Variants in C1orf21 observed in about 807,000 individuals in gnomAD.
C1orf21 encodes the protein chromosome 1 open reading frame 21.
A neutral mutation model predicts 18.7 loss-of-function variants in C1orf21; 3 were observed. That is an observed-to-expected ratio of 0.16 (90% confidence interval 0.07 to 0.42). The LOEUF (loss-of-function observed/expected upper bound fraction) is 0.42, where lower values mean the gene tolerates loss of function less well. C1orf21 is among the 10% of genes least tolerant of loss of function. C1orf21 has a pLI of 0.99. For missense variants in C1orf21, 104 were observed against 143.6 expected (o/e 0.72, Z 1.41); for synonymous variants, 41 against 46.4 (o/e 0.88, Z 0.47).
intron 1 of C1orf21, among the ~76,000 whole-genome samples, chr1:184,474,257 A>G (rs1431365068): frequency 2.0e-5 from 3 of 152,200 alleles, no homozygotes; most frequent in Non-Finnish European, 1.5e-5. Flanking sequence ...ATTTGGTGAG[A>G]ACTCATATTG....
In C1orf21 at chr1:184,605,063, T is replaced by C. The variant is rs144074778; in HGVS notation, c.327+6602T>C. On this transcript the variant is annotated intron_variant, in intron 5 of 5. Transcript: ENST00000235307. ...ATCAGTGAATGGTATCATTTTGCCATGGATGCAAGTATTTGGACAAGGAAA... is the reference window on the plus strand; with the variant it reads ...ATCAGTGAATGGTATCATTTTGCCACGGATGCAAGTATTTGGACAAGGAAA... 6.0e-4 allele frequency among the ~76,000 whole-genome samples: 91 copies of C among 152,350 alleles called. 1 individual carries two copies. Among genetic ancestry groups the C allele is most frequent in the African/African-American group, 2.1e-3 (86 of 41,584 alleles).
At chr1:184,400,767 A>T (rs1207981632) in intron 1 of C1orf21, among the ~76,000 whole-genome samples, 1 of 152,176 alleles carries the variant, frequency 6.6e-6, no homozygotes. Context: ...AATTAACTAG[A>T]TGGACAGTGG....
chr1:184,508,514 A>G lies in C1orf21; in HGVS notation c.189+832A>G, dbSNP rs964305714. Among the ~76,000 whole-genome samples, 7 of 152,230 alleles carry G rather than the reference A, an allele frequency of 4.6e-5. 1 individual carries two copies. The South Asian group carries it at 8.3e-4, about 18-fold the overall frequency. On this transcript the variant is annotated intron_variant, in intron 3 of 5. Transcript: ENST00000235307. ...TCACTTGACTTAAACTCGTTTTTTT[A>G]TAATGTGCTTTGTTTTTGTTTTAAT...
intron 2 of C1orf21, among the ~76,000 whole-genome samples, chr1:184,496,660 G>A (rs890853358): frequency 6.6e-6 from 1 of 152,210 alleles, no homozygotes; most frequent in Non-Finnish European, 1.5e-5. Context: ...AACACAAGCA[G>A]CATCTCAGAA....
At chr1:184,471,451 CT>C (rs967625652) in intron 1 of C1orf21, among the ~76,000 whole-genome samples, 1 of 151,904 alleles carries the variant, frequency 6.6e-6, no homozygotes, top group Admixed American at 6.6e-5. Flanking sequence ...TAAGACATGG[CT>C]TTTTTTTAAG....
At chr1:184,465,612 T>C (rs1326143340) in intron 1 of C1orf21, among the ~76,000 whole-genome samples, 1 of 152,116 alleles carries the variant, frequency 6.6e-6, no homozygotes, top group African/African-American at 2.4e-5. Context: ...TGGGATATCA[T>C]CCCAGATTCA....
intron 1 of C1orf21, among the ~76,000 whole-genome samples, chr1:184,467,702 C>T (rs1009897431): frequency 3.3e-5 from 5 of 152,196 alleles, no homozygotes; most frequent in African/African-American, 9.7e-5. Context: ...CCCTGCCCCT[C>T]TCATCTTAGA....
chr1:184,425,008 T>G (rs962010768), intron 1 of C1orf21, among the ~76,000 whole-genome samples: 5 of 152,176 alleles, frequency 3.3e-5, no homozygotes, highest in African/African-American at 1.2e-4. Context: ...AAAACTTAGG[T>G]GGAGGTCTTT....
intron 2 of C1orf21, among the ~76,000 whole-genome samples, chr1:184,488,048 G>T (rs1227670478): frequency 6.6e-6 from 1 of 152,136 alleles, no homozygotes; most frequent in Non-Finnish European, 1.5e-5. Context: ...AGGAGAATGC[G>T]TCATCAGTTT....
At chr1:184,551,234 T>C (rs1027279166) in intron 3 of C1orf21, among the ~76,000 whole-genome samples, 1 of 152,098 alleles carries the variant, frequency 6.6e-6, no homozygotes, top group African/African-American at 2.4e-5. Context: ...ATGTGTGTAT[T>C]TTTTTTAAAT....
intron 2 of C1orf21, among the ~76,000 whole-genome samples, chr1:184,506,374 T>G (rs1295356408): frequency 6.6e-6 from 1 of 152,172 alleles, no homozygotes; most frequent in Non-Finnish European, 1.5e-5. Context: ...AGGGGTGATA[T>G]GATGAGGAAA....
At chr1:184,415,165 T>G (rs957949274) in intron 1 of C1orf21, among the ~76,000 whole-genome samples, 56 of 152,290 alleles carry the variant, frequency 3.7e-4, no homozygotes, top group African/African-American at 1.3e-3. Context: ...TGTGGGGTGT[T>G]GCATTGGAGA....
At chr1:184,533,124 C>G (rs536904451) in intron 3 of C1orf21, among the ~76,000 whole-genome samples, 2 of 152,080 alleles carry the variant, frequency 1.3e-5, no homozygotes, top group African/African-American at 4.8e-5. Flanking sequence ...TGACCTCTCA[C>G]TCCTCTCTGG....
chr1:184,528,142 A>T lies in C1orf21; in HGVS notation c.189+20460A>T, dbSNP rs1339460769. 2.0e-5 allele frequency among the ~76,000 whole-genome samples: 3 copies of T among 152,170 alleles called. No homozygotes were observed. In the East Asian group the frequency reaches 5.8e-4, roughly 29 times the overall value. On this transcript the variant is annotated intron_variant, in intron 3 of 5. Coordinates refer to ENST00000235307, the MANE Select transcript of C1orf21 (RefSeq NM_030806.4). Reference sequence around the variant, plus strand: ...TAAGCAATAGAAATAAAATTTTTCCACTTTACAGATGAGTAAGCAGAATTC... The same window carrying T: ...TAAGCAATAGAAATAAAATTTTTCCTCTTTACAGATGAGTAAGCAGAATTC...
At chr1:184,456,677 A>G (rs574052587) in intron 1 of C1orf21, among the ~76,000 whole-genome samples, 12 of 152,254 alleles carry the variant, frequency 7.9e-5, no homozygotes, top group African/African-American at 2.6e-4. Flanking sequence ...ACTTTCACCA[A>G]TACTCAACTA....
intron 3 of C1orf21, among the ~76,000 whole-genome samples, chr1:184,553,839 G>C (rs1218050168): frequency 6.6e-6 from 1 of 152,216 alleles, no homozygotes; most frequent in South Asian, 2.1e-4. Context: ...CACAGGAGGA[G>C]AGGAACAAGG....
intron 4 of C1orf21, among the ~76,000 whole-genome samples, chr1:184,597,964 G>C (rs145064604): frequency 6.6e-6 from 1 of 152,204 alleles, no homozygotes; most frequent in South Asian, 2.1e-4. Context: ...GTCAGCTGGA[G>C]ATCATGCTGA....
At chr1:184,614,953 T>A (rs950566781) in intron 5 of C1orf21, among the ~76,000 whole-genome samples, 1 of 152,192 alleles carries the variant, frequency 6.6e-6, no homozygotes, top group Non-Finnish European at 1.5e-5. Flanking sequence ...GGTCCATGGC[T>A]TGGGGACTAG....
intron 3 of C1orf21, among the ~76,000 whole-genome samples, chr1:184,579,460 G>A (rs1659245108): frequency 8.5e-6 from 1 of 117,238 alleles, no homozygotes; most frequent in Non-Finnish European, 1.7e-5. Context: ...CTGGCCTCAA[G>A]CAATCTCCCA....
Sources: allele counts gnomAD v4.1 joint callset (sites outside exome capture counted in the v4.1 genomes callset), GRCh38; gene constraint gnomAD v4.1.1; transcripts MANE v1.5; gene names NCBI Gene and HGNC (gene_info 2026-07-23, HGNC 2026-07-21).